SEC63: variants seen among roughly 807,000 people sequenced by gnomAD.
The protein encoded by SEC63 is translocation protein SEC63 homolog.
Under a neutral mutation model 116.2 loss-of-function variants are expected in SEC63, and 56 were observed. The ratio of observed to expected loss-of-function variants is 0.48; its 90% CI spans 0.39 to 0.60. The LOEUF is 0.60. SEC63 is among the 20% of genes least tolerant of loss of function. The probability of loss-of-function intolerance (pLI) is 0.00; values close to 1 mark genes in which losing one functional copy is unlikely to be tolerated. For missense variants in SEC63, 668 were observed against 900.0 expected (o/e 0.74, Z 3.30); for synonymous variants, 273 against 294.6 (o/e 0.93, Z 0.75).
chr6:107,952,776 A>T (rs1442030609), intron 1 of SEC63, among the ~76,000 whole-genome samples: 1 of 152,114 alleles, frequency 6.6e-6, no homozygotes, highest in African/African-American at 2.4e-5. Context: ...CAAAAAAAAA[A>T]TTACTTAAAC....
chr6:107,940,084 G>A lies in SEC63; in HGVS notation c.125-10570C>T, dbSNP rs554589743. Among the ~76,000 whole-genome samples, 8 of 152,138 alleles carry A rather than the reference G, an allele frequency of 5.3e-5. No homozygotes were observed. The East Asian group carries it at 1.4e-3, about 26-fold the overall frequency. ...AATCACAGATTACCTAAATCAGAAG[G>A]GTTACAGAAACGTGGGTCCTACTTA... On this transcript the variant is annotated intron_variant, in intron 1 of 20. Coordinates refer to ENST00000369002, the MANE Select transcript of SEC63 (RefSeq NM_007214.5).
chr6:107,928,191 A>C (rs933695981), intron 2 of SEC63, among the ~76,000 whole-genome samples: 4 of 152,174 alleles, frequency 2.6e-5, no homozygotes, highest in Non-Finnish European at 5.9e-5. Flanking sequence ...CAAAGAAACT[A>C]AACTGGGTGG....
At chr6:107,911,489 C>A in intron 6 of SEC63, 93 bp from the exon 7 acceptor site, 1 of 824,360 alleles carries the variant, frequency 1.2e-6, no homozygotes, top group South Asian at 1.4e-5. Context: ...GGGGGAGCCA[C>A]TATTAAAAGG....
At chr6:107,933,422 C>T (rs942925611) in intron 1 of SEC63, among the ~76,000 whole-genome samples, 19 of 152,276 alleles carry the variant, frequency 1.2e-4, no homozygotes, top group East Asian at 7.7e-4. Flanking sequence ...ATCAAGTGAT[C>T]GGTGAGCATC....
intron 1 of SEC63, among the ~76,000 whole-genome samples, chr6:107,935,600 G>T (rs1043370641): frequency 2.7e-5 from 1 of 37,608 alleles, no homozygotes. Context: ...CAGCATGCTC[G>T]TTAAGAGTCA....
At chr6:107,885,115 T>C (rs1166331290) in intron 16 of SEC63, among the ~76,000 whole-genome samples, 2 of 152,114 alleles carry the variant, frequency 1.3e-5, no homozygotes, top group Non-Finnish European at 2.9e-5. Flanking sequence ...AAGACAAGGT[T>C]CCTACTATCA....
At chr6:107,906,303 A>C in intron 10 of SEC63, 145 bp downstream of exon 10, 1 of 963,714 alleles carries the variant, frequency 1.0e-6, no homozygotes. Context: ...CAATGAGCCA[A>C]TTAAACCTCT....
chr6:107,871,998 CA>C (rs1342044586), intron 20 of SEC63, 151 bp from the exon 21 acceptor site: 1 of 732,096 alleles, frequency 1.4e-6, no homozygotes, highest in South Asian at 1.7e-5. Flanking sequence ...TCATTTAGAA[CA>C]GACACTTCAT....
intron 1 of SEC63, among the ~76,000 whole-genome samples, chr6:107,938,754 G>A (rs966152002): frequency 2.7e-5 from 4 of 150,540 alleles, no homozygotes; most frequent in Admixed American, 6.6e-5. Context: ...TGGGGTTTCC[G>A]CCATGTTGGC....
At chr6:107,912,455 T>A (rs1787303491) in intron 6 of SEC63, among the ~76,000 whole-genome samples, 1 of 152,068 alleles carries the variant, frequency 6.6e-6, no homozygotes, top group African/African-American at 2.4e-5. Context: ...TGGTGGTGGG[T>A]ACCTGTAATC....
chr6:107,913,572 AGAAAGG>A, intron 4 of SEC63, 145 bp from the exon 5 acceptor site: 1 of 730,146 alleles, frequency 1.4e-6, no homozygotes. Flanking sequence ...TGAAATCAGG[AGAAAGG>A]GAAAGGGAGG....
At position 107,904,274 on chromosome 6, in the gene SEC63, G is replaced by A. The variant is rs578211763; in HGVS notation, c.1054+355C>T. ...AAAATACAAAAATTAGCCAGGTGTG[G>A]TGGTACGCGCCTGTAATCCCAGCTG... On this transcript the variant is annotated intron_variant, in intron 11 of 20. Coordinates refer to ENST00000369002, the MANE Select transcript of SEC63 (RefSeq NM_007214.5). Among the ~76,000 whole-genome samples the A allele has an allele frequency of 1.2e-3, 176 of 151,732 alleles. 2 individuals carry two copies. The highest frequency in any genetic ancestry group is 4.1e-3 in the African/African-American group (170 of 41,346).
chr6:107,872,037 A>C (rs1437448806), intron 20 of SEC63, among the ~76,000 whole-genome samples, 190 bp from the exon 21 acceptor site: 1 of 152,260 alleles, frequency 6.6e-6, no homozygotes, highest in Non-Finnish European at 1.5e-5. Context: ...TAAATTTAAC[A>C]ATATGTAAAT....
chr6:107,905,896 T>C (rs1446039742), intron 10 of SEC63, among the ~76,000 whole-genome samples: 1 of 152,242 alleles, frequency 6.6e-6, no homozygotes, highest in East Asian at 1.9e-4. Context: ...GAAGTAATTA[T>C]GTAGCATATA....
At chr6:107,950,387 T>C (rs888497455) in intron 1 of SEC63, among the ~76,000 whole-genome samples, 3 of 151,926 alleles carry the variant, frequency 2.0e-5, no homozygotes, top group Non-Finnish European at 4.4e-5. Context: ...AAAAAGAAGA[T>C]AAGGAAATAG....
intron 4 of SEC63, among the ~76,000 whole-genome samples, chr6:107,915,918 C>T (rs538064237): frequency 7.6e-4 from 115 of 152,226 alleles, no homozygotes; most frequent in Non-Finnish European, 1.6e-3. Flanking sequence ...TTTCATTGGT[C>T]TTACAGAACG....
chr6:107,921,521 G>C (rs535377600), intron 4 of SEC63, among the ~76,000 whole-genome samples: 1 of 151,232 alleles, frequency 6.6e-6, no homozygotes, highest in Non-Finnish European at 1.5e-5. Context: ...GCATGGTCAC[G>C]GCTCACTGCA....
chr6:107,869,022 C>A lies in SEC63; in HGVS notation c.*2682G>T, dbSNP rs1483835904. 2 of 152,196 alleles carry A rather than the reference C, an allele frequency of 1.3e-5. No homozygotes were observed. The highest frequency in any genetic ancestry group is 4.8e-5 in the African/African-American group (2 of 41,410). 9.4% of individuals were successfully genotyped at this position (152,196 alleles called of 1,614,324 possible). ...TTATATCTCTCCCTCCCTGTTTCCA[C>A]ATCAGTTGTTTGACATCCACGCCCC... On this transcript the variant is annotated 3_prime_UTR_variant, in exon 21 of 21. Transcript: ENST00000369002.
At chr6:107,891,871 G>C (rs557412205) in intron 16 of SEC63, among the ~76,000 whole-genome samples, 1 of 152,298 alleles carries the variant, frequency 6.6e-6, no homozygotes, top group Non-Finnish European at 1.5e-5. Flanking sequence ...TCTTTGCCTG[G>C]GTATCACCAG....
Sources: gnomAD v4.1 joint callset for allele counts (sites outside exome capture counted in the v4.1 genomes callset) on GRCh38, gnomAD v4.1.1 for gene constraint, MANE v1.5 for transcripts, NCBI Gene and HGNC (gene_info 2026-07-23, HGNC 2026-07-21) for gene names.